The following LINGO2 variants were observed in gnomAD, a reference collection of about 807,000 sequenced individuals.
LINGO2 encodes the protein leucine-rich repeat and immunoglobulin-like domain-containing nogo receptor-interacting protein 2.
LINGO2 carries 14 observed loss-of-function variants against 30.6 expected under a neutral mutation model. That is an observed-to-expected ratio of 0.46 (90% CI 0.30 to 0.72). The LOEUF (loss-of-function observed/expected upper bound fraction) is 0.72. LINGO2 is among the 30% of genes least tolerant of loss of function. LINGO2 has a pLI of 0.07. For synonymous variants in LINGO2, 317 were observed against 288.5 expected (o/e 1.10, Z -1.00); for missense variants, 729 against 751.7 (o/e 0.97, Z 0.35).
intron 4 of LINGO2, among the ~76,000 whole-genome samples, chr9:28,050,411 CTAAG>C (rs988917639): frequency 2.7e-5 from 4 of 150,602 alleles, no homozygotes; most frequent in Non-Finnish European, 5.9e-5. Flanking sequence ...CAGATAAATC[CTAAG>C]TAAGGGATAT....
the LINGO2 span, among the ~76,000 whole-genome samples, chr9:29,207,510 G>C: frequency 1.3e-5 from 2 of 151,906 alleles, no homozygotes; most frequent in African/African-American, 4.8e-5. Flanking sequence ...GAATGTGCTG[G>C]GAATCTTATA....
the LINGO2 span, among the ~76,000 whole-genome samples, chr9:28,888,355 A>C: frequency 1.3e-5 from 2 of 152,154 alleles, no homozygotes; most frequent in Non-Finnish European, 2.9e-5. Flanking sequence ...GGTCCATTGA[A>C]CAATCCTGAA....
intron 1 of LINGO2, among the ~76,000 whole-genome samples, chr9:28,600,855 T>C (rs756120066): frequency 3.9e-5 from 6 of 152,086 alleles, no homozygotes; most frequent in Non-Finnish European, 8.8e-5. Flanking sequence ...TTACACTCTG[T>C]ATATAAAAAG....
At chr9:28,925,701 A>G in the LINGO2 span, among the ~76,000 whole-genome samples, 1 of 152,164 alleles carries the variant, frequency 6.6e-6, no homozygotes, top group African/African-American at 2.4e-5. Context: ...GGGTTCTTCT[A>G]GTGAATTATC....
chr9:28,512,426 C>T (rs574063133), intron 1 of LINGO2, among the ~76,000 whole-genome samples: 1 of 151,512 alleles, frequency 6.6e-6, no homozygotes, highest in East Asian at 2.0e-4. Context: ...GCCACTGACA[C>T]CTCAAGCACC....
At position 28,619,588 on chromosome 9, in the gene LINGO2, A is replaced by T. The variant is rs191265007; in HGVS notation, c.-365+50612T>A. 9.8e-3 allele frequency among the ~76,000 whole-genome samples: 1,485 copies of T among 152,232 alleles called. 20 individuals carry two copies. Among genetic ancestry groups the T allele is most frequent in the South Asian group, 0.018 (89 of 4,816 alleles). ...AAGTGTGTCACTGAGAAATAGATCT[A>T]AAAAAAGCTCAGGAATTCTGTTCTT... On this transcript the variant is annotated intron_variant, in intron 1 of 5. Transcript: ENST00000379992.
At chr9:28,671,252 T>A (rs13285760), upstream of LINGO2, among the ~76,000 whole-genome samples, 15,102 of 151,722 alleles carry the variant, frequency 0.1, 981 homozygotes, top group East Asian at 0.2. Context: ...TTCCTATAAA[T>A]CTCTCACTCT....
chr9:28,676,700 T>G, the LINGO2 span, among the ~76,000 whole-genome samples: 1 of 152,150 alleles, frequency 6.6e-6, no homozygotes, highest in East Asian at 1.9e-4. Context: ...GTGGCTTACA[T>G]TTCCTTTTGT....
intron 1 of LINGO2, among the ~76,000 whole-genome samples, chr9:28,631,345 T>TC (rs1200770344): frequency 1.3e-5 from 2 of 150,438 alleles, no homozygotes; most frequent in African/African-American, 4.9e-5. Context: ...TGTGTGATGT[T>TC]CCCCTTCCTG....
chr9:29,092,372 C>G, the LINGO2 span, among the ~76,000 whole-genome samples: 1 of 151,896 alleles, frequency 6.6e-6, no homozygotes, highest in Non-Finnish European at 1.5e-5. Flanking sequence ...AAAGGATATT[C>G]TACACACCAA....
chr9:28,597,743 T>C (rs1251944613), intron 1 of LINGO2, among the ~76,000 whole-genome samples: 2 of 152,142 alleles, frequency 1.3e-5, no homozygotes, highest in African/African-American at 4.8e-5. Flanking sequence ...TATGTCTGTA[T>C]GTATGCATGT....
intron 4 of LINGO2, among the ~76,000 whole-genome samples, chr9:28,152,463 A>G (rs1439643584): frequency 6.6e-6 from 1 of 152,178 alleles, no homozygotes; most frequent in Non-Finnish European, 1.5e-5. Flanking sequence ...GGGGCAGCCA[A>G]CAAACCTCTT....
chr9:28,978,327 C>T, the LINGO2 span, among the ~76,000 whole-genome samples: 1 of 152,040 alleles, frequency 6.6e-6, no homozygotes, highest in Admixed American at 6.6e-5. Flanking sequence ...AAAAATAGTG[C>T]TTTTGGGCTA....
chr9:28,612,118 A>G (rs1255748412), intron 1 of LINGO2, among the ~76,000 whole-genome samples: 2 of 152,044 alleles, frequency 1.3e-5, no homozygotes, highest in African/African-American at 2.4e-5. Flanking sequence ...AAAAAGTGCA[A>G]TGGGGCAATC....
chr9:28,534,348 T>C (rs1449440021), intron 1 of LINGO2, among the ~76,000 whole-genome samples: 1 of 152,168 alleles, frequency 6.6e-6, no homozygotes, highest in African/African-American at 2.4e-5. Flanking sequence ...GATCCTTAGA[T>C]GGTTGACTAC....
At chr9:29,095,831 A>C in the LINGO2 span, among the ~76,000 whole-genome samples, 1 of 138,704 alleles carries the variant, frequency 7.2e-6, no homozygotes, top group Non-Finnish European at 1.6e-5. Flanking sequence ...TAGGAGTAAC[A>C]AACCTTTCTT....
intron 4 of LINGO2, among the ~76,000 whole-genome samples, chr9:28,123,751 C>G (rs1827163853): frequency 6.6e-6 from 1 of 151,994 alleles, no homozygotes; most frequent in African/African-American, 2.4e-5. Context: ...GCAAGCTCTG[C>G]CTCCTGGGTT....
the LINGO2 span, among the ~76,000 whole-genome samples, chr9:29,092,987 A>G: frequency 7.7e-6 from 1 of 130,294 alleles, no homozygotes; most frequent in Non-Finnish European, 1.6e-5. Context: ...AAAAATCAAA[A>G]TCCTGTAGGA....
chr9:28,293,902 A>C (rs1418721823), intron 4 of LINGO2, among the ~76,000 whole-genome samples: 1 of 152,202 alleles, frequency 6.6e-6, no homozygotes, highest in African/African-American at 2.4e-5. Context: ...TCTTCTACTA[A>C]TGTATGCTGT....
Sources: gnomAD v4.1 joint callset for allele counts (sites outside exome capture counted in the v4.1 genomes callset) on GRCh38, gnomAD v4.1.1 for gene constraint, MANE v1.5 for transcripts, NCBI Gene and HGNC (gene_info 2026-07-23, HGNC 2026-07-21) for gene names.